Variants in GCC2 observed in about 807,000 individuals in gnomAD.
GCC2 encodes the protein GRIP and coiled-coil domain-containing protein 2.
A neutral mutation model predicts 210.6 loss-of-function variants in GCC2; 120 were observed. The ratio of observed to expected loss-of-function variants is 0.57; its 90% confidence interval spans 0.49 to 0.66. The LOEUF is 0.66. GCC2 is among the 30% of genes least tolerant of loss of function. The pLI, the probability that GCC2 is intolerant of heterozygous loss-of-function variation, is 0.00. For missense variants in GCC2, 1,868 were observed against 1,871.9 expected, an observed-to-expected ratio of 1.00 and a Z score of 0.04; for synonymous variants, 703 against 652.7, an observed-to-expected ratio of 1.08 and a Z score of -1.17.
intron 11 of GCC2, 35 bp from the exon 12 acceptor site, chr2:108,483,027 T>G: frequency 9.4e-7 from 1 of 1,063,354 alleles, no homozygotes; most frequent in Non-Finnish European, 1.5e-6. Flanking sequence ...TAATATTGGT[T>G]GGGTGGTGTG....
intron 22 of GCC2, among the ~76,000 whole-genome samples, chr2:108,505,981 C>T (rs1683164545): frequency 6.6e-6 from 1 of 152,026 alleles, no homozygotes; most frequent in African/African-American, 2.4e-5. Flanking sequence ...CGTATGAAAA[C>T]ACAGAAAGGT....
chr2:108,487,872 C>A, intron 17 of GCC2, 52 bp downstream of exon 17: 4 of 1,370,306 alleles, frequency 2.9e-6, no homozygotes, highest in Non-Finnish European at 4.0e-6. Flanking sequence ...GCAGGTTCTT[C>A]ACCAAGTAGA....
At chr2:108,457,580 A>G (rs1680338062) in intron 4 of GCC2, among the ~76,000 whole-genome samples, 1 of 152,110 alleles carries the variant, frequency 6.6e-6, no homozygotes, top group East Asian at 1.9e-4. Context: ...TTTGGATAGT[A>G]TGATCATTTC....
chr2:108,487,838 T>C lies in GCC2; in HGVS notation c.4052+18T>C. 1 of 1,604,534 alleles carries C rather than the reference T, an allele frequency of 6.2e-7. No homozygotes were observed. The highest frequency in any genetic ancestry group is 8.5e-7 in the Non-Finnish European group (1 of 1,175,136). On this transcript the variant is annotated intron_variant, in intron 17 of 22. Coordinates refer to ENST00000309863, the MANE Select transcript of GCC2 (RefSeq NM_181453.4). ...CAAGAAAGGTAAAGTCTGAATTAAATATGCAGAGTTTTCCTCCCACAATGC... is the reference window on the plus strand; with the variant it reads ...CAAGAAAGGTAAAGTCTGAATTAAACATGCAGAGTTTTCCTCCCACAATGC...
At position 108,492,860 on chromosome 2, in the gene GCC2, A is replaced by G; in HGVS notation, c.4447+70A>G. On this transcript the variant is annotated intron_variant, in intron 19 of 22. Coordinates refer to ENST00000309863, the MANE Select transcript of GCC2 (RefSeq NM_181453.4). ...CATTTGTCTCTTAAATACATTCTTC[A>G]CAAATTCATAAGAAAGAAAATTTAC... 4 of 1,161,448 alleles carry G rather than the reference A, an allele frequency of 3.4e-6. No homozygotes were observed. In the South Asian group the frequency reaches 5.1e-5, roughly 15 times the overall value. 71.9% of individuals were successfully genotyped at this position (1,161,448 alleles called of 1,614,324 possible). A position where few individuals can be genotyped will look rare whatever the true frequency, so the allele number is the denominator to read the frequency against.
At chr2:108,449,368 A>T in intron 1 of GCC2, 88 bp downstream of exon 1, 1 of 1,508,730 alleles carries the variant, frequency 6.6e-7, no homozygotes, top group Non-Finnish European at 8.9e-7. Context: ...AGGGCGCGGT[A>T]GTCTCCCTCT....
At position 108,498,838 on chromosome 2, in the gene GCC2, G is replaced by A. The variant is rs572273068; in HGVS notation, c.4783-715G>A. Among the ~76,000 whole-genome samples the A allele has an allele frequency of 3.3e-5, 5 of 151,684 alleles. No homozygotes were observed. In the East Asian group the frequency reaches 7.8e-4, roughly 24 times the overall value. ...CCTGGGACTTCAGGAACAGGGTAGGGGCAGGGGGTTAGTGGAGGCTGCCGA... is the reference window on the plus strand; with the variant it reads ...CCTGGGACTTCAGGAACAGGGTAGGAGCAGGGGGTTAGTGGAGGCTGCCGA... On this transcript the variant is annotated intron_variant, in intron 21 of 22. Transcript: ENST00000309863.
At position 108,454,226 on chromosome 2, in the gene GCC2, G is replaced by A. The variant is rs565002276; in HGVS notation, c.216+1760G>A. Among the ~76,000 whole-genome samples the A allele has an allele frequency of 3.4e-3, 510 of 152,220 alleles. 3 individuals carry two copies. Among genetic ancestry groups the A allele is most frequent in the Non-Finnish European group, 6.1e-3 (415 of 68,014 alleles). ...AGGATGGTCTCGATCTCCTGACCTC[G>A]TGATCCACCTGCCTCGTCCTCCCGA... On this transcript the variant is annotated intron_variant, in intron 4 of 22. Coordinates refer to ENST00000309863, the MANE Select transcript of GCC2 (RefSeq NM_181453.4).
intron 22 of GCC2, among the ~76,000 whole-genome samples, chr2:108,503,168 A>G (rs1483709526): frequency 7.0e-6 from 1 of 143,436 alleles, no homozygotes; most frequent in Non-Finnish European, 1.5e-5. Flanking sequence ...AAGCAGTATT[A>G]AAAAAAAAAG....
In GCC2 at chr2:108,486,488, T is replaced by C. The variant is rs138147698; in HGVS notation, c.3793-23T>C. 882 of 1,613,384 alleles carry C rather than the reference T, an allele frequency of 5.5e-4. 5 individuals carry two copies. In the African/African-American group the frequency reaches 0.011, roughly 20 times the overall value. ...TAGTGAAGATAGGATTTGCTAAAGC[T>C]AAATTTAAAGATTTACCCCCAGATA... On this transcript the variant is annotated intron_variant, in intron 15 of 22. Coordinates refer to ENST00000309863, the MANE Select transcript of GCC2 (RefSeq NM_181453.4).
At chr2:108,477,677 T>G (rs1449622085) in intron 9 of GCC2, among the ~76,000 whole-genome samples, 1 of 152,230 alleles carries the variant, frequency 6.6e-6, no homozygotes, top group Non-Finnish European at 1.5e-5. Flanking sequence ...GTGAAAAATA[T>G]TTTTTAAAAA....
At chr2:108,463,651 TAGC>T (rs1680719482) in intron 4 of GCC2, among the ~76,000 whole-genome samples, 1 of 152,156 alleles carries the variant, frequency 6.6e-6, no homozygotes, top group Non-Finnish European at 1.5e-5. Context: ...GCACCAGTGT[TAGC>T]AGGCCAATTC....
At position 108,470,867 on chromosome 2, in the gene GCC2, C is replaced by T. The variant is rs1257044582; in HGVS notation, c.1538C>T (p.Ala513Val). Residue 513 changes from alanine to valine, a missense_variant, in exon 6 of 23, where the codon GCA (alanine) becomes GTA (valine). Ala to Val is a moderately conservative substitution (Grantham distance 64). Transcript: ENST00000309863. ...QEFESMKQQQ[A>V]SDVHELQQKL... Reference sequence around the variant, plus strand: ...TTCGAATCAATGAAGCAACAGCAAGCATCTGATGTTCATGAACTGCAGCAG... The same window carrying T: ...TTCGAATCAATGAAGCAACAGCAAGTATCTGATGTTCATGAACTGCAGCAG... 1 of 1,613,518 alleles carries T rather than the reference C, an allele frequency of 6.2e-7. No homozygotes were observed. Among genetic ancestry groups the T allele is most frequent in the African/African-American group, 1.3e-5 (1 of 74,994 alleles).
At chr2:108,505,836 G>T (rs576935245) in intron 22 of GCC2, among the ~76,000 whole-genome samples, 70 of 152,230 alleles carry the variant, frequency 4.6e-4, no homozygotes, top group South Asian at 1.2e-3. Context: ...AATTTGTTAC[G>T]CAGCAGATTG....
intron 22 of GCC2, among the ~76,000 whole-genome samples, chr2:108,506,757 A>C (rs1185196572): frequency 6.6e-6 from 1 of 152,182 alleles, no homozygotes; most frequent in African/African-American, 2.4e-5. Context: ...AACAATACTT[A>C]GTTGTGCTGG....
chr2:108,472,609 T>A lies in GCC2; in HGVS notation c.2788-218T>A, dbSNP rs956716381. Among the ~76,000 whole-genome samples, 82 of 137,060 alleles carry A rather than the reference T, an allele frequency of 6.0e-4. 1 individual carries two copies. The highest frequency in any genetic ancestry group is 6.1e-4 in the African/African-American group (22 of 35,848). 89.9% of individuals were successfully genotyped at this position (137,060 alleles called of 152,430 possible). On this transcript the variant is annotated intron_variant, in intron 6 of 22. Transcript: ENST00000309863. ...GTTTATCTTGGCCTTGGTTACTACT[T>A]TTTTTTTTTTTAATAGTAAATGCCA...
At chr2:108,482,474 G>C (rs1681911968) in intron 11 of GCC2, 23 bp downstream of exon 11, 4 of 1,208,300 alleles carry the variant, frequency 3.3e-6, no homozygotes, top group South Asian at 2.6e-5. Context: ...CTATGAGATT[G>C]ATTCACATAT....
At position 108,449,660 on chromosome 2, in the gene GCC2, C is replaced by T. The variant is rs1470700036; in HGVS notation, c.34C>T (p.Pro12Ser). ...TCTTGTTCAAGATGGGGTGGCTTCA[C>T]CAGCTACCCCTGGGACCGGGAAATC... ...EDLVQDGVAS[P>S]ATPGTGKSKL... Residue 12 changes from proline (P) to serine (S), a missense_variant, in exon 2 of 23, where the codon CCA (proline) becomes TCA (serine). Coordinates refer to ENST00000309863, the MANE Select transcript of GCC2 (RefSeq NM_181453.4). 6.2e-7 allele frequency: 1 copy of T among 1,613,586 alleles called. No homozygotes were observed. The highest frequency in any genetic ancestry group is 1.3e-5 in the African/African-American group (1 of 74,866).
Position 108,507,870 on chromosome 2 carries a change from GAATA to G in GCC2, c.*243_*246del, listed in dbSNP as rs1683283473. The G allele has an allele frequency of 2.8e-6, 1 of 352,134 alleles. No individual in the cohort carries two copies. The highest frequency in any genetic ancestry group is 5.4e-6 in the Non-Finnish European group (1 of 184,696). 21.8% of individuals were successfully genotyped at this position (352,134 alleles called of 1,614,324 possible). ...ATGTGATTTCCCATGCATGCTGCCA[GAATA>G]AAACCACCAGGAATGAATTCACTCC... On this transcript the variant is annotated 3_prime_UTR_variant, in exon 23 of 23. Transcript: ENST00000309863.
Sources: allele counts gnomAD v4.1 joint callset (sites outside exome capture counted in the v4.1 genomes callset), GRCh38; gene constraint gnomAD v4.1.1; transcripts MANE v1.5; gene names NCBI Gene and HGNC (gene_info 2026-07-23, HGNC 2026-07-21).